BLTP1: variants seen among roughly 807,000 people sequenced by gnomAD.
BLTP1 encodes the protein bridge-like lipid transfer protein family member 1.
At chr4:122,166,971 G>T in the BLTP1 span, among the ~76,000 whole-genome samples, 94 of 152,148 alleles carry the variant, frequency 6.2e-4, no homozygotes, top group African/African-American at 2.1e-3. Context: ...CATTCTTTGG[G>T]TACTTCTTTC....
chr4:122,187,049 T>G, the BLTP1 span: 1 of 985,108 alleles, frequency 1.0e-6, no homozygotes, highest in Non-Finnish European at 1.2e-6. Flanking sequence ...TCAAAGTGAC[T>G]TGTACCTTAA....
chr4:122,336,217 A>C, the BLTP1 span: 1 of 1,607,690 alleles, frequency 6.2e-7, no homozygotes, highest in Admixed American at 1.7e-5. Context: ...GTGGAGGAGT[A>C]AAAACAGCCA....
the BLTP1 span, chr4:122,230,299 G>T: frequency 9.1e-7 from 1 of 1,098,764 alleles, no homozygotes; most frequent in Non-Finnish European, 1.3e-6. Flanking sequence ...TGAGAGAATG[G>T]ACTAAGAATA....
chr4:122,257,297 G>A, the BLTP1 span: 3 of 1,613,902 alleles, frequency 1.9e-6, no homozygotes, highest in Non-Finnish European at 2.5e-6. Context: ...GAAAGGTTTA[G>A]TTGCACTGGC....
chr4:122,199,370 G>T, the BLTP1 span: 4 of 1,612,752 alleles, frequency 2.5e-6, no homozygotes, highest in Non-Finnish European at 3.4e-6. Flanking sequence ...TTACACTCCT[G>T]CTATTAAGGG....
chr4:122,185,504 A>T, the BLTP1 span: 1 of 824,772 alleles, frequency 1.2e-6, no homozygotes, highest in African/African-American at 1.8e-5. Flanking sequence ...TGCTATTTCT[A>T]CTTAATGTAA....
At chr4:122,305,918 T>C in the BLTP1 span, 1 of 1,605,832 alleles carries the variant, frequency 6.2e-7, no homozygotes, top group Non-Finnish European at 8.5e-7. Flanking sequence ...AAGTTGCCTA[T>C]TTTAAAACCA....
the BLTP1 span, among the ~76,000 whole-genome samples, chr4:122,311,491 C>T: frequency 6.6e-6 from 1 of 151,742 alleles, no homozygotes; most frequent in Non-Finnish European, 1.5e-5. Flanking sequence ...ATAAGTATAC[C>T]TCAATATTTT....
chr4:122,361,753 A>G, the BLTP1 span, among the ~76,000 whole-genome samples: 225 of 152,342 alleles, frequency 1.5e-3, 1 homozygote, highest in Admixed American at 0.014. Flanking sequence ...TATGTTTAAG[A>G]TAACTGTATA....
the BLTP1 span, among the ~76,000 whole-genome samples, chr4:122,242,127 A>G: frequency 3.9e-5 from 6 of 152,282 alleles, no homozygotes; most frequent in African/African-American, 1.4e-4. Flanking sequence ...CTACTGGGTA[A>G]TATCCAAAGG....
the BLTP1 span, chr4:122,238,404 T>G: frequency 1.3e-6 from 2 of 1,490,322 alleles, no homozygotes; most frequent in East Asian, 2.3e-5. Flanking sequence ...TATAATTGTT[T>G]AAAATTCTGG....
chr4:122,176,579 C>G, the BLTP1 span, among the ~76,000 whole-genome samples: 7 of 152,168 alleles, frequency 4.6e-5, no homozygotes, highest in African/African-American at 1.7e-4. Context: ...CATTCACTTT[C>G]ACTTCATAGT....
At chr4:122,280,820 T>C in the BLTP1 span, among the ~76,000 whole-genome samples, 4,317 of 152,274 alleles carry the variant, frequency 0.028, 138 homozygotes, top group African/African-American at 0.08. Flanking sequence ...AATTCTGATA[T>C]AATGTTTAAT....
chr4:122,193,721 C>T, the BLTP1 span: 20 of 901,286 alleles, frequency 2.2e-5, no homozygotes, highest in Non-Finnish European at 2.3e-5. Flanking sequence ...CAAGCCAAGT[C>T]GTTCACTTGA....
chr4:122,176,089 G>C, the BLTP1 span, among the ~76,000 whole-genome samples: 1 of 152,116 alleles, frequency 6.6e-6, no homozygotes, highest in Admixed American at 6.5e-5. Flanking sequence ...ATCACCTGAG[G>C]TCAGGAATTT....
At chr4:122,362,035 A>C in the BLTP1 span, 1 of 1,607,294 alleles carries the variant, frequency 6.2e-7, no homozygotes, top group Non-Finnish European at 8.5e-7. Flanking sequence ...TTTTAGATTA[A>C]TTTCTTGGAC....
chr4:122,235,106 T>C, the BLTP1 span: 1 of 1,204,484 alleles, frequency 8.3e-7, no homozygotes, highest in Non-Finnish European at 1.2e-6. Context: ...GTGTTAACTC[T>C]GTTCAACTCA....
chr4:122,211,578 A>G, the BLTP1 span, among the ~76,000 whole-genome samples: 1 of 152,322 alleles, frequency 6.6e-6, no homozygotes, highest in Non-Finnish European at 1.5e-5. Context: ...AAACTGAAGG[A>G]AATATATGAA....
At chr4:122,265,891 G>T in the BLTP1 span, among the ~76,000 whole-genome samples, 1 of 152,152 alleles carries the variant, frequency 6.6e-6, no homozygotes, top group East Asian at 1.9e-4. Context: ...TAGAGACAGG[G>T]TTTCACCGTG....
Sources: allele counts gnomAD v4.1 joint callset (sites outside exome capture counted in the v4.1 genomes callset), GRCh38; gene constraint gnomAD v4.1.1; transcripts MANE v1.5; gene names NCBI Gene and HGNC (gene_info 2026-07-23, HGNC 2026-07-21).